The following SLC8A1 variants were observed in gnomAD, a reference collection of about 807,000 sequenced individuals.
SLC8A1 encodes solute carrier family 8 member A1.
SLC8A1 carries 18 observed loss-of-function variants against 68.3 expected under a neutral mutation model. The observed-to-expected ratio is 0.26, with a 90% CI of 0.18 to 0.39. The LOEUF is 0.39. Ranked by LOEUF, SLC8A1 falls within the 10% of genes least tolerant of loss-of-function variation. The pLI, the probability that SLC8A1 is intolerant of heterozygous loss-of-function variation, is 1.00. For synonymous variants in SLC8A1, 475 were observed against 415.5 expected (o/e 1.14, Z -1.74); for missense variants, 985 against 1,156.7 (o/e 0.85, Z 2.15).
intron 2 of SLC8A1, among the ~76,000 whole-genome samples, chr2:40,373,797 T>C (rs1218235145): frequency 6.6e-5 from 10 of 152,186 alleles, no homozygotes; most frequent in East Asian, 1.9e-4. Context: ...CTGAATTTCA[T>C]TGTATGTATC....
intron 2 of SLC8A1, among the ~76,000 whole-genome samples, chr2:40,207,496 T>TA (rs940315280): frequency 2.0e-4 from 30 of 151,076 alleles, no homozygotes; most frequent in East Asian, 9.7e-4. Context: ...TACAGTTTCA[T>TA]AAAAAAAAAG....
In SLC8A1 at chr2:40,247,536, G is replaced by A. The variant is rs557597155; in HGVS notation, c.1809-69681C>T. Among the ~76,000 whole-genome samples the A allele has an allele frequency of 1.1e-3, 163 of 152,206 alleles. 1 individual carries two copies. The highest frequency in any genetic ancestry group is 3.3e-3 in the African/African-American group (139 of 41,518). On this transcript the variant is annotated intron_variant, in intron 2 of 7. Transcript: ENST00000406785. ...AACCCTTCCTTATGCTAGAGCACCA[G>A]ATGGTGTTACAAAAATGAGGAAAAA... is the stretch of plus-strand genomic sequence containing the variant.
chr2:40,321,260 G>A (rs1033802811), intron 2 of SLC8A1, among the ~76,000 whole-genome samples: 1 of 151,986 alleles, frequency 6.6e-6, no homozygotes, highest in Admixed American at 6.6e-5. Context: ...GTTAAGGAAT[G>A]TAATTGTTTT....
intron 2 of SLC8A1, among the ~76,000 whole-genome samples, chr2:40,228,221 T>C (rs1032561815): frequency 1.3e-5 from 2 of 152,218 alleles, no homozygotes; most frequent in African/African-American, 4.8e-5. Context: ...AGCTTTGACA[T>C]CATATACATA....
intron 2 of SLC8A1, among the ~76,000 whole-genome samples, chr2:40,381,635 T>C (rs759267785): frequency 6.6e-6 from 1 of 152,002 alleles, no homozygotes; most frequent in Non-Finnish European, 1.5e-5. Context: ...AGCTGTCCTA[T>C]AGAACAGATG....
chr2:40,294,620 T>C (rs2069988886), intron 2 of SLC8A1, among the ~76,000 whole-genome samples: 1 of 152,144 alleles, frequency 6.6e-6, no homozygotes, highest in Admixed American at 6.5e-5. Flanking sequence ...CAACCAAGCG[T>C]AGTCACCTCT....
intron 1 of SLC8A1, among the ~76,000 whole-genome samples, chr2:40,441,628 C>A (rs1700504439): frequency 6.6e-6 from 1 of 152,226 alleles, no homozygotes; most frequent in African/African-American, 2.4e-5. Flanking sequence ...CTACAACCAT[C>A]TGATCTTCTA....
chr2:40,175,263 A>G lies in SLC8A1; in HGVS notation c.1913-421T>C. The G allele has an allele frequency of 6.2e-7, 1 of 1,613,304 alleles. No individual in the cohort carries two copies. Among genetic ancestry groups the G allele is most frequent in the Middle Eastern group, 1.7e-4 (1 of 6,058 alleles). On this transcript the variant is annotated intron_variant, in intron 3 of 7. Coordinates refer to ENST00000406785, the Ensembl canonical transcript of SLC8A1. Reference sequence around the variant, plus strand: ...AATGCAAGAAATGAAATGCTTACCAAGCTCATTCAATAACAGGGCTGTGAA... The same window carrying G: ...AATGCAAGAAATGAAATGCTTACCAGGCTCATTCAATAACAGGGCTGTGAA...
At chr2:40,163,456 C>G (rs995252651) in intron 5 of SLC8A1, among the ~76,000 whole-genome samples, 1 of 152,058 alleles carries the variant, frequency 6.6e-6, no homozygotes, top group African/African-American at 2.4e-5. Flanking sequence ...CTCTCTGATT[C>G]CAAATGAAAA....
At chr2:40,382,667 C>CTAAAAT (rs79481124) in intron 2 of SLC8A1, among the ~76,000 whole-genome samples, 111,131 of 151,408 alleles carry the variant, frequency 0.73, 42,146 homozygotes, top group African/African-American at 0.93. Context: ...ACCATCTAAA[C>CTAAAAT]TGAAAATCGT....
intron 2 of SLC8A1, among the ~76,000 whole-genome samples, chr2:40,427,398 T>A (rs1259536088): frequency 2.0e-5 from 3 of 152,088 alleles, no homozygotes; most frequent in Non-Finnish European, 4.4e-5. Flanking sequence ...ATATATTTAT[T>A]TTTCTTCCCT....
chr2:40,332,716 G>C (rs1255064625), intron 2 of SLC8A1, among the ~76,000 whole-genome samples: 1 of 152,210 alleles, frequency 6.6e-6, no homozygotes, highest in Non-Finnish European at 1.5e-5. Flanking sequence ...TAAAAATCCT[G>C]TGAAGTGAGT....
chr2:40,449,236 A>G lies in SLC8A1; in HGVS notation c.-25+2668T>C, dbSNP rs77516024. On this transcript the variant is annotated intron_variant, in intron 1 of 7. Transcript: ENST00000406785. ...AAAATGCACTTACTTTGAGACAACC[A>G]CATCTATGAGCTAAATGAATGCCTT... Among the ~76,000 whole-genome samples, 395 of 151,980 alleles carry G rather than the reference A, an allele frequency of 2.6e-3. 1 individual carries two copies. The highest frequency in any genetic ancestry group is 9.2e-3 in the African/African-American group (382 of 41,502).
chr2:40,142,586 C>T (rs963220190), intron 6 of SLC8A1, among the ~76,000 whole-genome samples: 53 of 152,164 alleles, frequency 3.5e-4, no homozygotes, highest in African/African-American at 1.3e-3. Context: ...ATCTAAATCT[C>T]TTATTTTGAA....
chr2:40,247,892 A>T (rs992218453), intron 2 of SLC8A1, among the ~76,000 whole-genome samples: 11 of 152,160 alleles, frequency 7.2e-5, no homozygotes, highest in African/African-American at 2.2e-4. Context: ...GTTCACTATT[A>T]CCTGAAATAG....
At chr2:40,485,303 G>A (rs144263707) in intron 1 of SLC8A1, among the ~76,000 whole-genome samples, 3 of 152,276 alleles carry the variant, frequency 2.0e-5, no homozygotes, top group African/African-American at 4.8e-5. Context: ...TTAGGCGATT[G>A]TAGAACTTCT....
At chr2:40,438,037 C>T (rs61629255) in intron 1 of SLC8A1, among the ~76,000 whole-genome samples, 7,508 of 152,058 alleles carry the variant, frequency 0.049, 338 homozygotes, top group East Asian at 0.24. Context: ...CCCAGGTTAA[C>T]GTACCTTGAG....
intron 4 of SLC8A1, 57 bp from the exon 7 acceptor site, chr2:40,170,406 G>C (rs1210724152): frequency 1.4e-6 from 2 of 1,443,204 alleles, no homozygotes; most frequent in Non-Finnish European, 1.9e-6. Context: ...TTTGCTATCA[G>C]AGCTTTGTGG....
intron 2 of SLC8A1, among the ~76,000 whole-genome samples, chr2:40,414,277 A>G (rs529657198): frequency 6.6e-6 from 1 of 152,298 alleles, no homozygotes; most frequent in Admixed American, 6.5e-5. Flanking sequence ...CTGGCCACAA[A>G]GACAGCTAGA....
Sources: gnomAD v4.1 joint callset for allele counts (sites outside exome capture counted in the v4.1 genomes callset) on GRCh38, gnomAD v4.1.1 for gene constraint, MANE v1.5 for transcripts, NCBI Gene and HGNC (gene_info 2026-07-23, HGNC 2026-07-21) for gene names.